Variants in DNAI3 observed in about 807,000 individuals in gnomAD.
DNAI3 encodes WD repeat domain 63.
Under a neutral mutation model 115.5 loss-of-function variants are expected in DNAI3, and 83 were observed. The observed-to-expected ratio is 0.72, with a 90% CI of 0.60 to 0.86. The LOEUF is 0.86. Among genes scored for constraint, DNAI3 ranks in the 40% least tolerant of loss-of-function variants. DNAI3 has a pLI of 0.00. For synonymous variants in DNAI3, 320 were observed against 347.0 expected, an observed-to-expected ratio of 0.92 and a Z score of 0.86; for missense variants, 1,004 against 1,075.8, an observed-to-expected ratio of 0.93 and a Z score of 0.93.
intron 18 of DNAI3, among the ~76,000 whole-genome samples, chr1:85,123,420 G>A (rs1240289672): frequency 6.6e-6 from 1 of 152,160 alleles, no homozygotes; most frequent in Non-Finnish European, 1.5e-5. Flanking sequence ...TTTGTTTCAT[G>A]TCTCACTCTA....
At chr1:85,091,391 G>A (rs1654969676) in intron 8 of DNAI3, among the ~76,000 whole-genome samples, 2 of 152,270 alleles carry the variant, frequency 1.3e-5, no homozygotes, top group South Asian at 4.1e-4. Context: ...ATAGTGGACA[G>A]CTTTATGATT....
intron 7 of DNAI3, among the ~76,000 whole-genome samples, chr1:85,086,470 T>C (rs930127559): frequency 3.3e-5 from 5 of 152,040 alleles, no homozygotes; most frequent in Non-Finnish European, 5.9e-5. Flanking sequence ...GCATATGAGG[T>C]TCTCCTTCCT....
In DNAI3 at chr1:85,095,941, A is replaced by G. The variant is rs770676554; in HGVS notation, c.1184A>G (p.Glu395Gly). 6.2e-7 allele frequency: 1 copy of G among 1,613,890 alleles called. No homozygotes were observed. Among genetic ancestry groups the G allele is most frequent in the Non-Finnish European group, 8.5e-7 (1 of 1,179,838 alleles). ...SDPIHPQLML[E>G]SPDDIFCFKF... ...CTGGGTTTACTTTAGTTAATGCTGG[A>G]GAGCCCAGATGACATCTTCTGCTTC... Residue 395 changes from glutamate (E) to glycine (G), a missense_variant, in exon 11 of 23, where the codon GAG (glutamate) becomes GGG (glycine). Coordinates refer to ENST00000294664, the MANE Select transcript of DNAI3 (RefSeq NM_145172.5).
intron 16 of DNAI3, among the ~76,000 whole-genome samples, chr1:85,117,328 T>G (rs1003940511): frequency 4.6e-5 from 7 of 152,210 alleles, no homozygotes; most frequent in African/African-American, 1.7e-4. Context: ...ATTTTCGTTC[T>G]TTTACTCATG....
chr1:85,065,523 A>G (rs1388347622), intron 1 of DNAI3, among the ~76,000 whole-genome samples: 1 of 152,184 alleles, frequency 6.6e-6, no homozygotes, highest in Admixed American at 6.5e-5. Context: ...CACCAGTCTG[A>G]GGTTGGACAG....
At chr1:85,063,419 C>A (rs745574159) in intron 1 of DNAI3, among the ~76,000 whole-genome samples, 1 of 152,010 alleles carries the variant, frequency 6.6e-6, no homozygotes, top group African/African-American at 2.4e-5. Context: ...CCGTGTGAGG[C>A]TGGAATAGAA....
At chr1:85,109,992 C>T (rs186113367) in intron 15 of DNAI3, 56 bp from the exon 16 acceptor site, 2 of 1,535,014 alleles carry the variant, frequency 1.3e-6, no homozygotes, top group Non-Finnish European at 1.8e-6. Flanking sequence ...AATAAATTAC[C>T]CAAGGATAAT....
At chr1:85,094,380 T>G (rs1192851481) in intron 9 of DNAI3, 51 bp from the exon 10 acceptor site, 13 of 1,605,246 alleles carry the variant, frequency 8.1e-6, no homozygotes, top group Non-Finnish European at 9.4e-6. Context: ...TAGAGACATC[T>G]CTCCATGTAT....
chr1:85,117,642 G>C (rs1035407494), intron 16 of DNAI3, 87 bp from the exon 17 acceptor site: 36 of 1,556,624 alleles, frequency 2.3e-5, no homozygotes, highest in Non-Finnish European at 2.0e-5. Flanking sequence ...AATGCAGGTG[G>C]CAAGGGGCAG....
At chr1:85,092,350 G>A (rs1655003640) in intron 8 of DNAI3, among the ~76,000 whole-genome samples, 2 of 152,178 alleles carry the variant, frequency 1.3e-5, no homozygotes, top group African/African-American at 4.8e-5. Context: ...TATTTTAGGA[G>A]TATCTGTTTT....
At chr1:85,071,662 T>C (rs1417183858) in intron 1 of DNAI3, among the ~76,000 whole-genome samples, 1 of 152,162 alleles carries the variant, frequency 6.6e-6, no homozygotes, top group Non-Finnish European at 1.5e-5. Context: ...GCAGGACCTA[T>C]GGCTGAGACT....
chr1:85,112,949 A>G lies in DNAI3; in HGVS notation c.1786+2814A>G, dbSNP rs1431281416. Reference sequence around the variant, plus strand: ...AAGCCCAGCTAATTTTCATATTTTTAGTAGAGACAGGGTTTTGCCATGTTG... The same window carrying G: ...AAGCCCAGCTAATTTTCATATTTTTGGTAGAGACAGGGTTTTGCCATGTTG... On this transcript the variant is annotated intron_variant, in intron 16 of 22. Transcript: ENST00000294664. 2.6e-5 allele frequency among the ~76,000 whole-genome samples: 4 copies of G among 152,108 alleles called. No individual in the cohort carries two copies. In the East Asian group the frequency reaches 7.7e-4, roughly 29 times the overall value.
chr1:85,081,911 G>A (rs1400861839), intron 4 of DNAI3, among the ~76,000 whole-genome samples: 1 of 152,196 alleles, frequency 6.6e-6, no homozygotes, highest in East Asian at 1.9e-4. Context: ...AAAATGCTGG[G>A]ATTGCAGGCA....
intron 11 of DNAI3, among the ~76,000 whole-genome samples, chr1:85,096,544 C>G (rs1184973345): frequency 6.8e-6 from 1 of 147,860 alleles, no homozygotes; most frequent in Non-Finnish European, 1.5e-5. Context: ...ATATATGTAT[C>G]TCAATACCGT....
At chr1:85,090,712 C>G (rs1167238640) in intron 8 of DNAI3, among the ~76,000 whole-genome samples, 1 of 152,168 alleles carries the variant, frequency 6.6e-6, no homozygotes, top group Non-Finnish European at 1.5e-5. Context: ...TTCCTGCACT[C>G]TTACTGGCTT....
At chr1:85,108,240 T>A in intron 15 of DNAI3, 63 bp downstream of exon 15, 1 of 1,448,244 alleles carries the variant, frequency 6.9e-7, no homozygotes, top group African/African-American at 1.4e-5. Context: ...TTTGCATGCA[T>A]AGACATACAT....
chr1:85,117,828 A>T lies in DNAI3; in HGVS notation c.1886A>T (p.Asp629Val). ...GCCAATCTTCTCAAGCCAATAGATG[A>T]CTTCTGCACAAAGTTCTTTGTGGGA... ...GMANLLKPID[D>V]FCTKFFVGTE... Residue 629 changes from aspartate (D) to valine (V), a missense_variant, in exon 17 of 23, where the codon GAC becomes GTC. This residue lies in a region of DNAI3 where 429 missense variants were observed against 454.3 expected (regional missense o/e 0.94). Transcript: ENST00000294664. 2 of 1,613,466 alleles carry T rather than the reference A, an allele frequency of 1.2e-6. No individual in the cohort carries two copies. Among genetic ancestry groups the T allele is most frequent in the Non-Finnish European group, 8.5e-7 (1 of 1,179,482 alleles).
In DNAI3 at chr1:85,121,764, T is replaced by C. The variant is rs753890530; in HGVS notation, c.1931T>C (p.Ile644Thr). ...FFVGTEEGEVIYTDWKMEKDP... is the reference protein window; with the variant it reads ...FFVGTEEGEVTYTDWKMEKDP... The stretch of plus-strand genomic sequence containing the variant: ...TAATATTTTTAGGAAGGCGAAGTGA[T>C]ATACACAGATTGGAAAATGGAAAAA... The change falls in exon 18 of 23, where the codon ATA becomes ACA. Residue 644 changes from isoleucine to threonine, a missense_variant. Physicochemically the swap from Ile to Thr is moderately conservative, Grantham distance 89. This residue lies in a region of DNAI3 where 429 missense variants were observed against 454.3 expected (regional missense o/e 0.94). Transcript: ENST00000294664. The C allele has an allele frequency of 1.9e-6, 3 of 1,614,082 alleles. No individual in the cohort carries two copies. The highest frequency in any genetic ancestry group is 2.2e-5 in the South Asian group (2 of 91,096).
At position 85,073,093 on chromosome 1, in the gene DNAI3, G is replaced by A; in HGVS notation, c.103+1G>A. Reference sequence around the variant, plus strand: ...GAACCAGTAAATATGGAGAGCATGGGTAAGTGGAAATATAATTTACAACTT... The same window carrying A: ...GAACCAGTAAATATGGAGAGCATGGATAAGTGGAAATATAATTTACAACTT... On this transcript the variant is annotated splice_donor_variant, in intron 3 of 22. Coordinates refer to ENST00000294664, the MANE Select transcript of DNAI3 (RefSeq NM_145172.5). LOFTEE classifies it high-confidence loss of function. 2.6e-6 allele frequency: 4 copies of A among 1,538,606 alleles called. No homozygotes were observed. The highest frequency in any genetic ancestry group is 2.3e-5 in the East Asian group (1 of 42,788).
Sources: gnomAD v4.1 joint callset for allele counts (sites outside exome capture counted in the v4.1 genomes callset) on GRCh38, gnomAD v4.1.1 for gene constraint, gnomAD v4.1.1 regional missense constraint, MANE v1.5 for transcripts, NCBI Gene and HGNC (gene_info 2026-07-23, HGNC 2026-07-21) for gene names.